Variants in SORCS1 observed in about 807,000 individuals in gnomAD.
SORCS1 encodes sortilin related VPS10 domain containing receptor 1.
Under a neutral mutation model 146.1 loss-of-function variants are expected in SORCS1, and 60 were observed. The ratio of observed to expected loss-of-function variants is 0.41; its 90% CI spans 0.33 to 0.51. The LOEUF (loss-of-function observed/expected upper bound fraction) is 0.51. Among genes scored for constraint, SORCS1 ranks in the 20% least tolerant of loss-of-function variants. The pLI, the probability that SORCS1 is intolerant of heterozygous loss-of-function variation, is 0.21. For missense variants in SORCS1, 1,352 were observed against 1,487.6 expected, an observed-to-expected ratio of 0.91 and a Z score of 1.50; for synonymous variants, 637 against 584.0, an observed-to-expected ratio of 1.09 and a Z score of -1.31.
intron 17 of SORCS1, among the ~76,000 whole-genome samples, chr10:106,654,698 C>G (rs960992615): frequency 6.6e-6 from 1 of 152,188 alleles, no homozygotes; most frequent in Non-Finnish European, 1.5e-5. Flanking sequence ...TATGCTGATC[C>G]CTGTCCTTAG....
intron 21 of SORCS1, among the ~76,000 whole-genome samples, chr10:106,612,381 C>G (rs866068490): frequency 7.4e-6 from 1 of 135,428 alleles, no homozygotes; most frequent in Middle Eastern, 3.6e-3. Context: ...CCCTTTCCCC[C>G]TTTTCTCCCC....
chr10:106,639,579 C>T (rs1848933923), intron 18 of SORCS1, among the ~76,000 whole-genome samples: 1 of 152,166 alleles, frequency 6.6e-6, no homozygotes, highest in Non-Finnish European at 1.5e-5. Flanking sequence ...TATTGCCTGC[C>T]TCATTTCCTT....
chr10:106,760,164 GC>G (rs1858968926), intron 5 of SORCS1, among the ~76,000 whole-genome samples: 2 of 152,134 alleles, frequency 1.3e-5, no homozygotes, highest in African/African-American at 4.8e-5. Context: ...GGAGGAAGAG[GC>G]CGGGCGTGAT....
intron 1 of SORCS1, among the ~76,000 whole-genome samples, chr10:107,117,257 A>AG (rs1469294481): frequency 6.6e-6 from 1 of 152,242 alleles, no homozygotes; most frequent in Non-Finnish European, 1.5e-5. Context: ...AGAAACAAAA[A>AG]GTAATGAAGG....
intron 1 of SORCS1, among the ~76,000 whole-genome samples, chr10:107,029,191 C>T (rs181706426): frequency 3.5e-4 from 54 of 152,322 alleles, no homozygotes; most frequent in Middle Eastern, 3.4e-3. Context: ...AATTCCTAGA[C>T]AAACCTGACT....
Position 106,630,971 on chromosome 10 carries a change from T to G in SORCS1, c.2476-1583A>C, listed in dbSNP as rs528163430. 1.3e-3 allele frequency among the ~76,000 whole-genome samples: 192 copies of G among 152,294 alleles called. 1 individual carries two copies. The highest frequency in any genetic ancestry group is 4.4e-3 in the African/African-American group (181 of 41,568). On this transcript the variant is annotated intron_variant, in intron 18 of 25. Coordinates refer to ENST00000263054, the MANE Select transcript of SORCS1 (RefSeq NM_052918.5). ...ACAGTCCATCCTTTAACAAATTTTG[T>G]TGTTGTTGTTAGCCTTTCCCACTTT...
At chr10:107,107,439 T>C (rs1965383310) in intron 1 of SORCS1, among the ~76,000 whole-genome samples, 1 of 152,160 alleles carries the variant, frequency 6.6e-6, no homozygotes, top group Non-Finnish European at 1.5e-5. Flanking sequence ...CAGTGCTTTG[T>C]GGAAGGTAGA....
chr10:106,818,469 G>C (rs537111893), intron 3 of SORCS1, among the ~76,000 whole-genome samples: 19 of 151,584 alleles, frequency 1.3e-4, no homozygotes, highest in African/African-American at 4.6e-4. Context: ...AGGTTCAAGT[G>C]ATCCTCCTGC....
chr10:106,632,221 T>C (rs954279156), intron 18 of SORCS1, among the ~76,000 whole-genome samples: 2 of 152,218 alleles, frequency 1.3e-5, no homozygotes, highest in Non-Finnish European at 2.9e-5. Flanking sequence ...GCCTCTTGGC[T>C]TGGACTCTGC....
At chr10:107,148,634 T>C (rs1968527846) in intron 1 of SORCS1, among the ~76,000 whole-genome samples, 1 of 152,182 alleles carries the variant, frequency 6.6e-6, no homozygotes, top group African/African-American at 2.4e-5. Context: ...AATGCAAAGG[T>C]TTCTTTAAAG....
intron 1 of SORCS1, among the ~76,000 whole-genome samples, chr10:107,025,548 T>C (rs1353379580): frequency 6.6e-6 from 1 of 152,136 alleles, no homozygotes; most frequent in African/African-American, 2.4e-5. Flanking sequence ...TATTTGCATA[T>C]AGAGAAGATG....
chr10:106,645,126 C>T (rs1849328314), intron 18 of SORCS1, among the ~76,000 whole-genome samples: 1 of 149,674 alleles, frequency 6.7e-6, no homozygotes, highest in African/African-American at 2.5e-5. Context: ...TCAATAACAC[C>T]TGATATTATT....
At chr10:106,795,158 G>A (rs1564665717) in intron 3 of SORCS1, among the ~76,000 whole-genome samples, 2 of 152,180 alleles carry the variant, frequency 1.3e-5, no homozygotes, top group African/African-American at 2.4e-5. Context: ...TAAATTTGGG[G>A]GATACCAGAA....
At position 106,905,936 on chromosome 10, in the gene SORCS1, C is replaced by T. The variant is rs1951890701; in HGVS notation, c.626+50577G>A. On this transcript the variant is annotated intron_variant, in intron 2 of 25. Coordinates refer to ENST00000263054, the MANE Select transcript of SORCS1 (RefSeq NM_052918.5). Reference sequence around the variant, plus strand: ...TCTGATAATCTGCAAACTTTTTGTACTATCTCTGAGGTCATAACTAACTTA... The same window carrying T: ...TCTGATAATCTGCAAACTTTTTGTATTATCTCTGAGGTCATAACTAACTTA... Among the ~76,000 whole-genome samples, 3 of 152,288 alleles carry T rather than the reference C, an allele frequency of 2.0e-5. No individual in the cohort carries two copies. In the South Asian group the frequency reaches 6.2e-4, roughly 32 times the overall value.
chr10:106,589,172 G>A (rs1156869407), intron 24 of SORCS1, among the ~76,000 whole-genome samples: 1 of 152,172 alleles, frequency 6.6e-6, no homozygotes, highest in Non-Finnish European at 1.5e-5. Flanking sequence ...CATTTGCCCA[G>A]TACATAACTT....
chr10:106,983,214 A>C (rs1956313218), intron 1 of SORCS1, among the ~76,000 whole-genome samples: 1 of 147,284 alleles, frequency 6.8e-6, no homozygotes, highest in Non-Finnish European at 1.5e-5. Flanking sequence ...CTATATATAA[A>C]TATATATACA....
At chr10:107,175,991 G>A in the SORCS1 span, among the ~76,000 whole-genome samples, 1 of 151,958 alleles carries the variant, frequency 6.6e-6, no homozygotes, top group Admixed American at 6.6e-5. Context: ...GCAAATTTGA[G>A]TTATTCTTTT....
At chr10:106,946,472 C>T (rs536163538) in intron 2 of SORCS1, among the ~76,000 whole-genome samples, 13 of 152,316 alleles carry the variant, frequency 8.5e-5, no homozygotes, top group South Asian at 4.1e-4. Context: ...GTAAGTCTCA[C>T]GAGATCTGAT....
At chr10:106,623,758 C>T (rs545026497) in intron 19 of SORCS1, among the ~76,000 whole-genome samples, 61 of 152,210 alleles carry the variant, frequency 4.0e-4, no homozygotes, top group African/African-American at 1.4e-3. Context: ...CTCCACCTCT[C>T]GGGTTCAAGC....
Sources: allele counts gnomAD v4.1 joint callset (sites outside exome capture counted in the v4.1 genomes callset), GRCh38; gene constraint gnomAD v4.1.1; transcripts MANE v1.5; gene names NCBI Gene and HGNC (gene_info 2026-07-23, HGNC 2026-07-21).